Variants in TMEM132D observed in about 807,000 individuals in gnomAD.
TMEM132D encodes transmembrane protein 132D.
A neutral mutation model predicts 62.3 loss-of-function variants in TMEM132D; 21 were observed. That is an observed-to-expected ratio of 0.34 (90% CI 0.24 to 0.49). The LOEUF is 0.49. TMEM132D is among the 20% of genes least tolerant of loss of function. TMEM132D has a pLI of 0.99. For synonymous variants in TMEM132D, 621 were observed against 575.6 expected, an observed-to-expected ratio of 1.08 and a Z score of -1.13; for missense variants, 1,346 against 1,402.8, an observed-to-expected ratio of 0.96 and a Z score of 0.65.
chr12:129,282,823 C>T (rs1005524114), intron 4 of TMEM132D, among the ~76,000 whole-genome samples: 1 of 152,152 alleles, frequency 6.6e-6, no homozygotes, highest in African/African-American at 2.4e-5. Context: ...AAAGCACAGG[C>T]AATGGAAAAG....
intron 2 of TMEM132D, among the ~76,000 whole-genome samples, chr12:129,635,636 C>T (rs553527752): frequency 1.3e-5 from 2 of 152,298 alleles, no homozygotes; most frequent in South Asian, 4.2e-4. Flanking sequence ...GGAGTGCTCT[C>T]ATTACTCAAA....
chr12:129,520,667 T>A (rs1286239299), intron 3 of TMEM132D, among the ~76,000 whole-genome samples: 3 of 152,196 alleles, frequency 2.0e-5, no homozygotes, highest in Admixed American at 6.5e-5. Flanking sequence ...GCCCTCCAAC[T>A]TTTTAATGAT....
intron 4 of TMEM132D, among the ~76,000 whole-genome samples, chr12:129,264,512 T>C (rs1880635724): frequency 6.6e-6 from 1 of 152,162 alleles, no homozygotes; most frequent in Non-Finnish European, 1.5e-5. Context: ...AGTGTGGAGA[T>C]TCCTTAAAGA....
intron 1 of TMEM132D, among the ~76,000 whole-genome samples, chr12:129,747,177 T>TCTCTTTCTCCCTCCTCCCG (rs1869812751): frequency 1.5e-5 from 2 of 132,088 alleles, no homozygotes; most frequent in African/African-American, 5.6e-5. Context: ...GTCCAATAGC[T>TCTCTTTCTCCCTCCTCCCG]CTCCTTCTCC....
chr12:129,452,929 C>G (rs555601019), intron 3 of TMEM132D, among the ~76,000 whole-genome samples: 20 of 152,098 alleles, frequency 1.3e-4, no homozygotes, highest in Non-Finnish European at 2.6e-4. Flanking sequence ...GGTCCCCAAC[C>G]CCCGGGGCCA....
At chr12:129,808,103 A>C (rs1448956395) in intron 1 of TMEM132D, among the ~76,000 whole-genome samples, 1 of 152,234 alleles carries the variant, frequency 6.6e-6, no homozygotes, top group East Asian at 1.9e-4. Flanking sequence ...TTCTAAGCTG[A>C]AAGGAGCTAG....
intron 2 of TMEM132D, among the ~76,000 whole-genome samples, chr12:129,552,065 A>G (rs984806698): frequency 6.6e-6 from 1 of 152,176 alleles, no homozygotes; most frequent in Non-Finnish European, 1.5e-5. Context: ...AGGAAAAAGT[A>G]CTAGTGTTGG....
chr12:129,119,661 A>G (rs1293409570), intron 5 of TMEM132D, among the ~76,000 whole-genome samples: 2 of 151,934 alleles, frequency 1.3e-5, no homozygotes, highest in Non-Finnish European at 2.9e-5. Flanking sequence ...TACAAACAAG[A>G]CTACACAGGG....
intron 3 of TMEM132D, among the ~76,000 whole-genome samples, chr12:129,506,464 T>C (rs897464950): frequency 2.0e-5 from 3 of 152,072 alleles, no homozygotes; most frequent in African/African-American, 7.2e-5. Context: ...AACTATACTA[T>C]AAGGCGATAG....
At chr12:129,303,634 G>A (rs1335024508) in intron 4 of TMEM132D, among the ~76,000 whole-genome samples, 1 of 151,878 alleles carries the variant, frequency 6.6e-6, no homozygotes, top group African/African-American at 2.4e-5. Context: ...CAGAGCCTCC[G>A]TATTAGTCAG....
chr12:129,182,219 C>T (rs1172324767), intron 5 of TMEM132D, among the ~76,000 whole-genome samples: 1 of 152,170 alleles, frequency 6.6e-6, no homozygotes, highest in Non-Finnish European at 1.5e-5. Flanking sequence ...AAAAAATTAG[C>T]CGGGTGCAGT....
intron 5 of TMEM132D, among the ~76,000 whole-genome samples, chr12:129,183,636 G>A (rs1878132673): frequency 6.6e-6 from 1 of 152,244 alleles, no homozygotes; most frequent in African/African-American, 2.4e-5. Flanking sequence ...AAGATGAGAG[G>A]TTTTGCCTGA....
intron 2 of TMEM132D, among the ~76,000 whole-genome samples, chr12:129,679,860 A>G (rs1254549713): frequency 1.3e-5 from 2 of 151,832 alleles, no homozygotes; most frequent in African/African-American, 2.4e-5. Context: ...TATGCTTTGC[A>G]GTTCTTCCTT....
intron 4 of TMEM132D, among the ~76,000 whole-genome samples, chr12:129,222,913 A>C (rs1183361780): frequency 7.4e-6 from 1 of 134,530 alleles, no homozygotes; most frequent in Non-Finnish European, 1.7e-5. Context: ...CGCTCTCACT[A>C]CCAAAAAAAG....
intron 3 of TMEM132D, among the ~76,000 whole-genome samples, chr12:129,372,850 T>C (rs940696327): frequency 2.6e-5 from 4 of 152,086 alleles, no homozygotes; most frequent in Admixed American, 6.5e-5. Flanking sequence ...ATAATAAAAA[T>C]AAAGTGCACA....
chr12:129,813,267 C>T (rs998564126), intron 1 of TMEM132D, among the ~76,000 whole-genome samples: 4 of 151,730 alleles, frequency 2.6e-5, no homozygotes, highest in African/African-American at 9.7e-5. Context: ...CTGGTTTCCT[C>T]ACATACTCCC....
intron 1 of TMEM132D, among the ~76,000 whole-genome samples, chr12:129,717,752 G>T (rs1209791404): frequency 1.3e-5 from 2 of 151,888 alleles, no homozygotes; most frequent in Non-Finnish European, 2.9e-5. Flanking sequence ...AAAATTGTTG[G>T]TTTTATCAAA....
At chr12:129,510,434 T>A (rs1490965255) in intron 3 of TMEM132D, among the ~76,000 whole-genome samples, 1 of 152,186 alleles carries the variant, frequency 6.6e-6, no homozygotes, top group Non-Finnish European at 1.5e-5. Flanking sequence ...CTTTGTTGAT[T>A]GTATCCTTTG....
rs146618519 is a variant in TMEM132D at position 129,214,073 on chromosome 12, T to C, written c.1300-4410A>G. Among the ~76,000 whole-genome samples, 296 of 152,340 alleles carry C rather than the reference T, an allele frequency of 1.9e-3. 2 individuals are homozygous for C. The highest frequency in any genetic ancestry group is 6.2e-3 in the African/African-American group (256 of 41,588). On this transcript the variant is annotated intron_variant, in intron 4 of 8. Transcript: ENST00000422113. Reference sequence around the variant, plus strand: ...TGCTTAGCACTTCCAGCCCACTGCATGTGCAGACAAAACAGACTTCTACTA... The same window carrying C: ...TGCTTAGCACTTCCAGCCCACTGCACGTGCAGACAAAACAGACTTCTACTA...
Sources: gnomAD v4.1 joint callset for allele counts (sites outside exome capture counted in the v4.1 genomes callset) on GRCh38, gnomAD v4.1.1 for gene constraint, MANE v1.5 for transcripts, NCBI Gene and HGNC (gene_info 2026-07-23, HGNC 2026-07-21) for gene names.